Variants in PACRGL observed in about 807,000 individuals in gnomAD.
PACRGL encodes the protein parkin coregulated like.
A neutral mutation model predicts 34.5 loss-of-function variants in PACRGL; 38 were observed. The ratio of observed to expected loss-of-function variants is 1.10; its 90% confidence interval spans 0.85 to 1.44. The LOEUF (loss-of-function observed/expected upper bound fraction) is 1.44, where lower values mean the gene tolerates loss of function less well. Among genes scored for constraint, PACRGL ranks in the 40% most tolerant of loss-of-function variants. The pLI is 0.00. For synonymous variants in PACRGL, 128 were observed against 100.1 expected (o/e 1.28, Z -1.66); for missense variants, 305 against 281.4 (o/e 1.08, Z -0.60).
intron 7 of PACRGL, among the ~76,000 whole-genome samples, chr4:20,714,764 T>C (rs1309639427): frequency 1.3e-5 from 2 of 152,058 alleles, no homozygotes; most frequent in Non-Finnish European, 2.9e-5. Context: ...CATTAAAAAG[T>C]CAGGAAACAA....
At chr4:20,763,023 C>A in the PACRGL span, among the ~76,000 whole-genome samples, 3 of 152,110 alleles carry the variant, frequency 2.0e-5, no homozygotes, top group African/African-American at 4.8e-5. Flanking sequence ...TGAGAACTCA[C>A]CCACTTATCA....
downstream of PACRGL, among the ~76,000 whole-genome samples, chr4:20,756,619 C>T (rs1480531258): frequency 6.6e-6 from 1 of 151,816 alleles, no homozygotes; most frequent in Admixed American, 6.6e-5. Flanking sequence ...GTCCTTTTCA[C>T]CCTCTGCAAT....
At chr4:20,699,953 G>T (rs1396100460), upstream of PACRGL, among the ~76,000 whole-genome samples, 4 of 152,014 alleles carry the variant, frequency 2.6e-5, no homozygotes, top group Non-Finnish European at 5.9e-5. Flanking sequence ...CATAAAATAC[G>T]ACAGGAAACG....
chr4:20,731,897 T>C lies in PACRGL; in HGVS notation c.*4556T>C, dbSNP rs943586792. 14 of 1,499,232 alleles carry C rather than the reference T, an allele frequency of 9.3e-6. No individual in the cohort carries two copies. Among genetic ancestry groups the C allele is most frequent in the Non-Finnish European group, 1.2e-5 (14 of 1,123,214 alleles). The allele number at this position is 1,499,232 out of a possible 1,614,324, so 92.9% of individuals were successfully genotyped here. On this transcript the variant is annotated 3_prime_UTR_variant, in exon 9 of 9. Transcript: ENST00000503585. ...GCTGCATGTTGTAGAAGTGGTAAAC[T>C]TAGGCATATGATCTCTATATTTCGC...
At chr4:20,735,588 G>T (rs1316975230), downstream of PACRGL, among the ~76,000 whole-genome samples, 2 of 142,072 alleles carry the variant, frequency 1.4e-5, no homozygotes, top group African/African-American at 5.3e-5. Flanking sequence ...GGAGTGCAGT[G>T]GCACAATCTT....
At chr4:20,751,358 C>T (rs1369579254) in intron 8 of PACRGL, among the ~76,000 whole-genome samples, 1 of 152,014 alleles carries the variant, frequency 6.6e-6, no homozygotes, top group Non-Finnish European at 1.5e-5. Context: ...GTTTAATTAC[C>T]ATAAACTTAG....
intron 7 of PACRGL, among the ~76,000 whole-genome samples, chr4:20,718,354 C>A (rs1042127151): frequency 1.3e-5 from 2 of 152,152 alleles, no homozygotes; most frequent in African/African-American, 4.8e-5. Flanking sequence ...CTGGCCAGAA[C>A]TTCCAACACT....
chr4:20,760,357 T>G, the PACRGL span, among the ~76,000 whole-genome samples: 3 of 152,200 alleles, frequency 2.0e-5, no homozygotes, highest in Admixed American at 1.3e-4. Context: ...TGATACTGTT[T>G]CCAGCATCTT....
At chr4:20,748,341 C>G (rs1175677290) in intron 8 of PACRGL, among the ~76,000 whole-genome samples, 1 of 151,932 alleles carries the variant, frequency 6.6e-6, no homozygotes, top group East Asian at 1.9e-4. Flanking sequence ...CATCCCATTC[C>G]AAGCCTTTGT....
intron 7 of PACRGL, among the ~76,000 whole-genome samples, chr4:20,720,645 A>G (rs988475375): frequency 6.6e-6 from 1 of 152,182 alleles, no homozygotes; most frequent in Non-Finnish European, 1.5e-5. Context: ...AGGATGTTGA[A>G]TATTGGCCCC....
chr4:20,712,221 CCT>C (rs1004574420), intron 5 of PACRGL, among the ~76,000 whole-genome samples: 6 of 150,716 alleles, frequency 4.0e-5, no homozygotes, highest in African/African-American at 7.3e-5. Flanking sequence ...TCTTGCCTCC[CCT>C]GTTTTCCATT....
At position 20,731,013 on chromosome 4, in the gene PACRGL, T is replaced by G. The variant is rs143645781; in HGVS notation, c.*3672T>G. Among the ~76,000 whole-genome samples, 357 of 152,278 alleles carry G rather than the reference T, an allele frequency of 2.3e-3. 2 individuals are homozygous for G. The highest frequency in any genetic ancestry group is 7.6e-3 in the African/African-American group (314 of 41,562). On this transcript the variant is annotated 3_prime_UTR_variant, in exon 9 of 9. Transcript: ENST00000503585. ...ATCCAGAAAAGTAAGAACAACAATT[T>G]AAAAATAAAGAGAAAAACTAAAGAA...
In PACRGL at chr4:20,729,929, C is replaced by G; in HGVS notation, c.*2588C>G. On this transcript the variant is annotated 3_prime_UTR_variant, in exon 9 of 9. Transcript: ENST00000503585. ...CAAATTTATAACTGAAAGCTCAAATCTTTTGGGGATTGCTTTATATTAAAA... is the reference window on the plus strand; with the variant it reads ...CAAATTTATAACTGAAAGCTCAAATGTTTTGGGGATTGCTTTATATTAAAA... 2 of 830,722 alleles carry G rather than the reference C, an allele frequency of 2.4e-6. No homozygotes were observed. Among genetic ancestry groups the G allele is most frequent in the Non-Finnish European group, 3.4e-6 (2 of 584,202 alleles). 51.5% of individuals were successfully genotyped at this position (830,722 alleles called of 1,614,324 possible). A position where few individuals can be genotyped will look rare whatever the true frequency, so the allele number is the denominator to read the frequency against.
Position 20,712,869 on chromosome 4 carries a change from G to C in PACRGL, c.448G>C (p.Glu150Gln). The C allele has an allele frequency of 6.2e-7, 1 of 1,605,562 alleles. No homozygotes were observed. Among genetic ancestry groups the C allele is most frequent in the Non-Finnish European group, 8.5e-7 (1 of 1,174,968 alleles). ...ATTACTTTTGGTCAAAGGTGCTCCT[G>C]AAAAAGCTATTCCTTTGCTACCTAG... ...RELLLVKGAPEKAIPLLPRLI... is the reference protein window; with the variant it reads ...RELLLVKGAPQKAIPLLPRLI... Residue 150 changes from glutamate to glutamine, a missense_variant, in exon 6 of 9, where the codon GAA (glutamate) becomes CAA (glutamine). Transcript: ENST00000503585.
At position 20,704,399 on chromosome 4, in the gene PACRGL, T is replaced by A; in HGVS notation, c.-16-67T>A. On this transcript the variant is annotated intron_variant, in intron 1 of 8. Coordinates refer to ENST00000503585, the MANE Select transcript of PACRGL (RefSeq NM_001258345.3). The stretch of plus-strand genomic sequence containing the variant: ...TTGTATACTCTGTTCTGGTTTTGTC[T>A]TTTTATTGATAACAAATGCCCCTCC... 7 of 1,474,698 alleles carry A rather than the reference T, an allele frequency of 4.7e-6. No individual in the cohort carries two copies. In the South Asian group the frequency reaches 8.4e-5, roughly 18 times the overall value. The allele number at this position is 1,474,698 out of a possible 1,614,324, so 91.4% of individuals were successfully genotyped here.
At chr4:20,766,514 C>T in the PACRGL span, among the ~76,000 whole-genome samples, 1 of 152,166 alleles carries the variant, frequency 6.6e-6, no homozygotes, top group Non-Finnish European at 1.5e-5. Flanking sequence ...TGCAGTGAGC[C>T]GAGATCACGC....
intron 7 of PACRGL, among the ~76,000 whole-genome samples, chr4:20,722,875 C>T (rs1420473350): frequency 1.3e-5 from 2 of 152,322 alleles, no homozygotes; most frequent in South Asian, 2.1e-4. Flanking sequence ...ACCTCCCTGT[C>T]TGCATTCTTC....
chr4:20,729,198 G>GTTAGGATTACTTGTTAT lies in PACRGL; in HGVS notation c.*1859_*1875dup. 6.6e-6 allele frequency: 1 copy of GTTAGGATTACTTGTTAT among 151,984 alleles called. No homozygotes were observed. The highest frequency in any genetic ancestry group is 2.3e-4 in the South Asian group (1 of 4,442). 9.4% of individuals were successfully genotyped at this position (151,984 alleles called of 1,614,324 possible). A position where few individuals can be genotyped will look rare whatever the true frequency, so the allele number is the denominator to read the frequency against. ...GAGGACAGATTTGGCCTTTAATGCT[G>GTTAGGATTACTTGTTAT]TTAGGATTACTTGTTATTAAGCATT... is the stretch of plus-strand genomic sequence containing the variant. On this transcript the variant is annotated 3_prime_UTR_variant, in exon 9 of 9. Coordinates refer to ENST00000503585, the MANE Select transcript of PACRGL (RefSeq NM_001258345.3).
Position 20,731,995 on chromosome 4 carries a change from T to A in PACRGL, c.*4654T>A. 2 of 1,613,146 alleles carry A rather than the reference T, an allele frequency of 1.2e-6. No individual in the cohort carries two copies. Among genetic ancestry groups the A allele is most frequent in the Non-Finnish European group, 1.7e-6 (2 of 1,179,682 alleles). On this transcript the variant is annotated 3_prime_UTR_variant, in exon 9 of 9. Coordinates refer to ENST00000503585, the MANE Select transcript of PACRGL (RefSeq NM_001258345.3). ...AGCTGAATTGATAGTTATTACACTT[T>A]CATTACTTACTTTTTGGCAGCTTTC...
Sources: gnomAD v4.1 joint callset for allele counts (sites outside exome capture counted in the v4.1 genomes callset) on GRCh38, gnomAD v4.1.1 for gene constraint, MANE v1.5 for transcripts, NCBI Gene and HGNC (gene_info 2026-07-23, HGNC 2026-07-21) for gene names.